The following GRM8 variants were observed in gnomAD, a reference collection of about 807,000 sequenced individuals.
GRM8 encodes the protein glutamate metabotropic receptor 8.
GRM8 carries 47 observed loss-of-function variants against 87.2 expected under a neutral mutation model. The ratio of observed to expected loss-of-function variants is 0.54; its 90% CI spans 0.43 to 0.69. GRM8 has a LOEUF of 0.69. Among genes scored for constraint, GRM8 ranks in the 30% least tolerant of loss-of-function variants. The pLI is 0.00. For missense variants in GRM8, 1,019 were observed against 1,139.2 expected, an observed-to-expected ratio of 0.89 and a Z score of 1.52; for synonymous variants, 396 against 404.5, an observed-to-expected ratio of 0.98 and a Z score of 0.25.
At chr7:126,802,179 T>C (rs1307692636) in intron 6 of GRM8, among the ~76,000 whole-genome samples, 2 of 152,202 alleles carry the variant, frequency 1.3e-5, no homozygotes, top group African/African-American at 4.8e-5. Flanking sequence ...ATGTCTTTTT[T>C]GTGGTTAGAA....
intron 2 of GRM8, among the ~76,000 whole-genome samples, chr7:127,126,276 G>A (rs1223206780): frequency 1.3e-5 from 2 of 151,938 alleles, no homozygotes; most frequent in Admixed American, 6.6e-5. Context: ...GGGTATATAT[G>A]GACAACAGAA....
At chr7:127,149,111 G>T (rs1278386274) in intron 2 of GRM8, among the ~76,000 whole-genome samples, 1 of 151,394 alleles carries the variant, frequency 6.6e-6, no homozygotes, top group African/African-American at 2.4e-5. Flanking sequence ...GTACAGCAAA[G>T]AAAACAATCA....
At position 126,533,473 on chromosome 7, in the gene GRM8, A is replaced by G; in HGVS notation, c.1909T>C (p.Phe637Leu). The G allele has an allele frequency of 6.2e-7, 1 of 1,614,064 alleles. No individual in the cohort carries two copies. Among genetic ancestry groups the G allele is most frequent in the South Asian group, 1.1e-5 (1 of 91,076 alleles). The change falls in exon 9 of 11, where the codon TTT (phenylalanine) becomes CTT (leucine). Residue 637 changes from phenylalanine (F) to leucine (L), a missense_variant. By Grantham distance (22) the Phe-to-Leu change is conservative. Coordinates refer to ENST00000339582, the MANE Select transcript of GRM8 (RefSeq NM_000845.3). The part of the protein sequence containing the change: ...TGIFLCYSIT[F>L]LMIAAPDTII... ...GTATCTGGTGCTGCAATCATTAAAAACGTGATTGAATAACAGAGAAAAATC... is the reference window on the plus strand; with the variant it reads ...GTATCTGGTGCTGCAATCATTAAAAGCGTGATTGAATAACAGAGAAAAATC...
At chr7:126,730,063 G>A (rs948721271) in intron 7 of GRM8, among the ~76,000 whole-genome samples, 7 of 152,046 alleles carry the variant, frequency 4.6e-5, no homozygotes, top group Admixed American at 3.3e-4. Flanking sequence ...CAAATAAGAG[G>A]AGAATCAAAA....
chr7:126,461,344 G>A (rs1285448170), intron 9 of GRM8, among the ~76,000 whole-genome samples: 1 of 151,448 alleles, frequency 6.6e-6, no homozygotes, highest in African/African-American at 2.4e-5. Context: ...ATTTTAGTGT[G>A]CTTTGTACTC....
intron 2 of GRM8, among the ~76,000 whole-genome samples, chr7:127,209,804 G>A (rs1158637591): frequency 6.6e-6 from 1 of 152,144 alleles, no homozygotes; most frequent in Non-Finnish European, 1.5e-5. Flanking sequence ...CTAAACACAT[G>A]AACTCTCAGC....
intron 2 of GRM8, among the ~76,000 whole-genome samples, chr7:127,113,515 A>G (rs1033092040): frequency 6.6e-6 from 1 of 152,158 alleles, no homozygotes; most frequent in Non-Finnish European, 1.5e-5. Flanking sequence ...GTTCTCTGCA[A>G]ACAACCTTGT....
intron 7 of GRM8, among the ~76,000 whole-genome samples, chr7:126,720,113 CCTTT>C (rs1812211921): frequency 1.3e-5 from 2 of 151,510 alleles, no homozygotes; most frequent in African/African-American, 4.8e-5. Context: ...TCCTGTTCTT[CCTTT>C]ATTATGTATA....
intron 9 of GRM8, among the ~76,000 whole-genome samples, chr7:126,483,517 A>G (rs1584774637): frequency 9.9e-6 from 1 of 100,526 alleles, no homozygotes; most frequent in African/African-American, 3.9e-5. Context: ...AAGAGATTTT[A>G]TGATCTATTG....
At chr7:126,891,131 C>T (rs1314281128) in intron 6 of GRM8, among the ~76,000 whole-genome samples, 1 of 152,036 alleles carries the variant, frequency 6.6e-6, no homozygotes, top group African/African-American at 2.4e-5. Context: ...AATCAATGAC[C>T]GAATTTCCCA....
intron 6 of GRM8, among the ~76,000 whole-genome samples, chr7:126,893,769 C>T (rs1413526475): frequency 6.6e-6 from 1 of 151,948 alleles, no homozygotes; most frequent in East Asian, 1.9e-4. Context: ...AAAATCAAGA[C>T]TCTTCGGTAG....
chr7:126,467,978 TTAA>T (rs1173285169), intron 9 of GRM8, among the ~76,000 whole-genome samples: 1 of 152,050 alleles, frequency 6.6e-6, no homozygotes, highest in East Asian at 1.9e-4. Flanking sequence ...GGCAAATGAT[TTAA>T]TATAATCAAA....
intron 2 of GRM8, among the ~76,000 whole-genome samples, chr7:127,138,077 T>C (rs1466235632): frequency 6.6e-6 from 1 of 152,124 alleles, no homozygotes; most frequent in Non-Finnish European, 1.5e-5. Flanking sequence ...CAATCAAAAG[T>C]ATACAAGCAG....
At chr7:126,624,507 G>T (rs1012184005) in intron 7 of GRM8, among the ~76,000 whole-genome samples, 1 of 152,124 alleles carries the variant, frequency 6.6e-6, no homozygotes, top group Non-Finnish European at 1.5e-5. Flanking sequence ...TGCCTTCATA[G>T]TACTTTTAAA....
At position 127,126,238 on chromosome 7, in the gene GRM8, A is replaced by G. The variant is rs577255193; in HGVS notation, c.511-19526T>C. ...AGATATGGATTCAACTTAAGTGTCC[A>G]TCAGTGGATGACTGGATAAAAGAAA... On this transcript the variant is annotated intron_variant, in intron 2 of 10. Transcript: ENST00000339582. Among the ~76,000 whole-genome samples the G allele has an allele frequency of 8.5e-5, 13 of 152,218 alleles. No individual in the cohort carries two copies. The East Asian group carries it at 1.9e-3, about 23-fold the overall frequency.
chr7:126,967,984 T>C (rs1156979008), intron 3 of GRM8, among the ~76,000 whole-genome samples: 1 of 152,212 alleles, frequency 6.6e-6, no homozygotes, highest in Non-Finnish European at 1.5e-5. Context: ...TATGTGTGAC[T>C]ACATAAATAT....
intron 2 of GRM8, among the ~76,000 whole-genome samples, chr7:127,169,270 G>C (rs1793643939): frequency 6.6e-6 from 1 of 152,166 alleles, no homozygotes; most frequent in Non-Finnish European, 1.5e-5. Context: ...TGCTGATATG[G>C]AGAAGGTTAG....
intron 2 of GRM8, among the ~76,000 whole-genome samples, chr7:127,138,242 C>T (rs1292981427): frequency 6.6e-6 from 1 of 152,138 alleles, no homozygotes; most frequent in African/African-American, 2.4e-5. Flanking sequence ...CCTCCCCACC[C>T]ATTGCATTCT....
chr7:126,705,920 G>T (rs973631793), intron 7 of GRM8, among the ~76,000 whole-genome samples: 6 of 151,834 alleles, frequency 4.0e-5, no homozygotes, highest in Non-Finnish European at 7.4e-5. Flanking sequence ...TTATGTTATG[G>T]GCTGTCTGGT....
Sources: gnomAD v4.1 joint callset for allele counts (sites outside exome capture counted in the v4.1 genomes callset) on GRCh38, gnomAD v4.1.1 for gene constraint, MANE v1.5 for transcripts, NCBI Gene and HGNC (gene_info 2026-07-23, HGNC 2026-07-21) for gene names.